Variants in DYNC1I1 observed in about 807,000 individuals in gnomAD.
DYNC1I1 encodes dynein cytoplasmic 1 intermediate chain 1.
In DYNC1I1, 43 loss-of-function variants were observed where a neutral mutation model predicts 86.6. That is an observed-to-expected ratio of 0.50 (90% confidence interval 0.39 to 0.64). DYNC1I1 has a LOEUF of 0.64. DYNC1I1 is among the 30% of genes least tolerant of loss of function. The pLI is 0.00. For synonymous variants in DYNC1I1, 262 were observed against 283.7 expected (o/e 0.92, Z 0.77); for missense variants, 604 against 788.8 (o/e 0.77, Z 2.81).
At chr7:95,968,261 A>G (rs947930402) in intron 6 of DYNC1I1, among the ~76,000 whole-genome samples, 1 of 152,122 alleles carries the variant, frequency 6.6e-6, no homozygotes, top group Non-Finnish European at 1.5e-5. Flanking sequence ...AAGAGATAGA[A>G]TTAACAATAT....
intron 6 of DYNC1I1, among the ~76,000 whole-genome samples, chr7:95,879,727 T>TG (rs1258183623): frequency 2.0e-5 from 3 of 152,118 alleles, no homozygotes; most frequent in Non-Finnish European, 2.9e-5. Flanking sequence ...CTAGGCTTCA[T>TG]GGGGGGTACA....
At chr7:95,909,434 C>T (rs1791270534) in intron 6 of DYNC1I1, among the ~76,000 whole-genome samples, 2 of 152,008 alleles carry the variant, frequency 1.3e-5, no homozygotes, top group African/African-American at 2.4e-5. Flanking sequence ...TATTGGGCAT[C>T]TTCTGTGTGA....
At chr7:95,962,029 A>G (rs6977623) in intron 6 of DYNC1I1, among the ~76,000 whole-genome samples, 58,912 of 152,100 alleles carry the variant, frequency 0.39, 12,293 homozygotes, top group Non-Finnish European at 0.47. Context: ...TTTTGGGGCC[A>G]GACATTGGTC....
At chr7:95,832,739 A>G (rs999046695) in intron 5 of DYNC1I1, among the ~76,000 whole-genome samples, 11 of 151,612 alleles carry the variant, frequency 7.3e-5, no homozygotes, top group Admixed American at 2.6e-4. Flanking sequence ...GCATTTTTTC[A>G]TGTGTTTTTT....
chr7:95,803,594 G>A (rs1463268561), intron 1 of DYNC1I1, among the ~76,000 whole-genome samples: 1 of 152,126 alleles, frequency 6.6e-6, no homozygotes, highest in African/African-American at 2.4e-5. Flanking sequence ...TGGGGACAAC[G>A]ACAAAAAAGT....
chr7:95,798,933 A>G (rs937544467), intron 1 of DYNC1I1, among the ~76,000 whole-genome samples: 3 of 152,240 alleles, frequency 2.0e-5, no homozygotes, highest in Non-Finnish European at 4.4e-5. Context: ...CTCTATGGAT[A>G]TATGCAGACA....
chr7:95,783,503 T>C (rs1034969851), intron 1 of DYNC1I1, among the ~76,000 whole-genome samples: 20 of 152,340 alleles, frequency 1.3e-4, no homozygotes, highest in Middle Eastern at 6.8e-3. Context: ...TGTGGTTATA[T>C]GTTATCAGAT....
intron 6 of DYNC1I1, 142 bp downstream of exon 6, chr7:95,870,140 T>G (rs1281099524): frequency 2.8e-6 from 2 of 715,962 alleles, no homozygotes; most frequent in African/African-American, 1.8e-5. Context: ...AAGCCTCTTC[T>G]GAGTTTGAAA....
intron 14 of DYNC1I1, among the ~76,000 whole-genome samples, chr7:96,065,378 C>CTTTT (rs34423655): frequency 0.21 from 26,726 of 127,048 alleles, 2,963 homozygotes; most frequent in East Asian, 0.3. Context: ...TTCTTTCTTT[C>CTTTT]TTTTTTTTTT....
At chr7:96,084,591 T>C (rs1345100537) in intron 16 of DYNC1I1, among the ~76,000 whole-genome samples, 1 of 152,020 alleles carries the variant, frequency 6.6e-6, no homozygotes, top group Non-Finnish European at 1.5e-5. Flanking sequence ...CCCAGCAAAT[T>C]TTTGTATTTT....
At chr7:95,856,217 T>C (rs777020075) in intron 5 of DYNC1I1, among the ~76,000 whole-genome samples, 1 of 152,196 alleles carries the variant, frequency 6.6e-6, no homozygotes, top group Non-Finnish European at 1.5e-5. Context: ...AGCGTAAGCA[T>C]ACACAGTGTG....
chr7:95,983,541 T>C (rs1454802041), intron 7 of DYNC1I1, among the ~76,000 whole-genome samples: 6 of 152,114 alleles, frequency 3.9e-5, no homozygotes, highest in Non-Finnish European at 8.8e-5. Context: ...AAGAGGGAGA[T>C]GTTACGAACA....
chr7:95,882,964 T>C (rs929917177), intron 6 of DYNC1I1, among the ~76,000 whole-genome samples: 3 of 152,180 alleles, frequency 2.0e-5, no homozygotes, highest in African/African-American at 7.2e-5. Context: ...ATAAAAGTGT[T>C]CTGTGGTCTC....
At chr7:96,093,355 A>G (rs42061) in intron 16 of DYNC1I1, among the ~76,000 whole-genome samples, 133,972 of 152,116 alleles carry the variant, frequency 0.88, 59,182 homozygotes, top group East Asian at 0.98. Context: ...CAACCAAGAT[A>G]AGAACAGGAC....
chr7:95,828,817 G>A (rs143366925), intron 5 of DYNC1I1, among the ~76,000 whole-genome samples: 1 of 152,126 alleles, frequency 6.6e-6, no homozygotes, highest in Non-Finnish European at 1.5e-5. Context: ...TCCGTTGTAG[G>A]ATTGGAGTTA....
At chr7:96,067,895 A>T (rs73708459) in intron 14 of DYNC1I1, among the ~76,000 whole-genome samples, 1 of 149,694 alleles carries the variant, frequency 6.7e-6, no homozygotes, top group African/African-American at 2.6e-5. Context: ...TTAGAAAGAG[A>T]GAGAGAGAAT....
intron 14 of DYNC1I1, among the ~76,000 whole-genome samples, chr7:96,064,544 A>T (rs1379102437): frequency 6.6e-6 from 1 of 152,156 alleles, no homozygotes; most frequent in African/African-American, 2.4e-5. Context: ...CTGGGCAGCA[A>T]ATGTGACCTT....
chr7:95,898,350 G>A (rs1305886803), intron 6 of DYNC1I1, among the ~76,000 whole-genome samples: 2 of 151,886 alleles, frequency 1.3e-5, no homozygotes, highest in Non-Finnish European at 2.9e-5. Flanking sequence ...CACTAGTGAA[G>A]CATCTCAGAA....
intron 16 of DYNC1I1, among the ~76,000 whole-genome samples, chr7:96,107,678 C>G (rs548331901): frequency 1.4e-4 from 21 of 151,838 alleles, no homozygotes; most frequent in African/African-American, 5.1e-4. Context: ...ATTACAGGTG[C>G]GTGCCACCAC....
Sources: gnomAD v4.1 joint callset for allele counts (sites outside exome capture counted in the v4.1 genomes callset) on GRCh38, gnomAD v4.1.1 for gene constraint, MANE v1.5 for transcripts, NCBI Gene and HGNC (gene_info 2026-07-23, HGNC 2026-07-21) for gene names.